Variants in PCDHA2 observed in about 807,000 individuals in gnomAD.
PCDHA2 encodes the protein protocadherin alpha-2.
PCDHA2 carries 58 observed loss-of-function variants against 66.0 expected under a neutral mutation model. That is an observed-to-expected ratio of 0.88 (90% CI 0.71 to 1.09). The LOEUF is 1.09. PCDHA2 is among the 50% of genes least tolerant of loss of function. The pLI is 0.00. For missense variants in PCDHA2, 1,267 were observed against 1,242.3 expected, an observed-to-expected ratio of 1.02 and a Z score of -0.30; for synonymous variants, 634 against 554.0, an observed-to-expected ratio of 1.14 and a Z score of -2.03.
chr5:140,865,419 T>A (rs1327080302), intron 1 of PCDHA2: 2 of 152,314 alleles, frequency 1.3e-5, no homozygotes, highest in African/African-American at 4.8e-5. Flanking sequence ...ATTAGTAGTG[T>A]CTACCTAGAA....
chr5:140,849,625 T>A, intron 1 of PCDHA2: 1 of 1,598,718 alleles, frequency 6.3e-7, no homozygotes, highest in Non-Finnish European at 8.6e-7. Flanking sequence ...GTGATCGACC[T>A]AGACGCAGAT....
intron 3 of PCDHA2, 57 bp downstream of exon 3, chr5:140,982,620 C>T: frequency 2.5e-6 from 4 of 1,588,470 alleles, no homozygotes. Flanking sequence ...ATCAGATGAC[C>T]TACTTTTGTA....
At chr5:140,886,905 A>G (rs2061220299) in intron 1 of PCDHA2, among the ~76,000 whole-genome samples, 2 of 152,010 alleles carry the variant, frequency 1.3e-5, no homozygotes, top group Admixed American at 1.3e-4. Flanking sequence ...TTTAATAAAT[A>G]CTTATTGAGT....
chr5:140,918,955 T>G lies in PCDHA2; in HGVS notation c.2389-59994T>G, dbSNP rs904506594. Among the ~76,000 whole-genome samples, 3 of 152,258 alleles carry G rather than the reference T, an allele frequency of 2.0e-5. 1 individual carries two copies. Among genetic ancestry groups the G allele is most frequent in the African/African-American group, 7.2e-5 (3 of 41,472 alleles). ...TTTTGTTATAATATCCTGAACAGAC[T>G]AAGACAGATATCGTTTAGGTTAGTT... On this transcript the variant is annotated intron_variant, in intron 1 of 3. Transcript: ENST00000526136.
chr5:140,866,472 CT>C (rs2049389020), intron 1 of PCDHA2: 2 of 152,112 alleles, frequency 1.3e-5, no homozygotes, highest in Non-Finnish European at 2.9e-5. Flanking sequence ...CTCATAACAA[CT>C]GACAAATGAT....
At chr5:140,968,211 A>G (rs1039283745) in intron 1 of PCDHA2, 1 of 1,614,002 alleles carries the variant, frequency 6.2e-7, no homozygotes. Context: ...CAGGAGAACA[A>G]TTTGCCAGGT....
intron 1 of PCDHA2, chr5:140,829,594 G>T (rs141465004): frequency 2.2e-5 from 35 of 1,611,982 alleles, no homozygotes; most frequent in Non-Finnish European, 3.0e-5. Context: ...GGGTGGGCGA[G>T]CGCGCGTTGT....
chr5:140,858,335 C>T, intron 1 of PCDHA2: 1 of 1,595,924 alleles, frequency 6.3e-7, no homozygotes, highest in Non-Finnish European at 8.6e-7. Flanking sequence ...GGAGGGCCTG[C>T]CCAAGGCGGA....
At chr5:140,820,343 A>C (rs1190251005) in intron 1 of PCDHA2, among the ~76,000 whole-genome samples, 1 of 152,020 alleles carries the variant, frequency 6.6e-6, no homozygotes, top group Non-Finnish European at 1.5e-5. Context: ...TCCAGAAATC[A>C]AGTGAATTTC....
intron 1 of PCDHA2, among the ~76,000 whole-genome samples, chr5:140,974,152 G>A (rs183558718): frequency 4.2e-4 from 64 of 152,284 alleles, no homozygotes; most frequent in Admixed American, 2.4e-3. Flanking sequence ...CTATACAAGG[G>A]TTTTTCTTTC....
chr5:140,851,380 C>G, intron 1 of PCDHA2: 1 of 976,622 alleles, frequency 1.0e-6, no homozygotes, highest in Non-Finnish European at 1.2e-6. Context: ...TGTTCAGCAA[C>G]CTTCAGTATC....
intron 1 of PCDHA2, chr5:140,863,034 A>T (rs782534693): frequency 1.8e-6 from 1 of 557,814 alleles, no homozygotes; most frequent in Non-Finnish European, 3.5e-6. Flanking sequence ...CAACAGCTGC[A>T]TCTGTCAGCT....
intron 1 of PCDHA2, among the ~76,000 whole-genome samples, chr5:140,820,123 T>C (rs2150105904): frequency 6.6e-6 from 1 of 152,128 alleles, no homozygotes; most frequent in East Asian, 1.9e-4. Context: ...TTTTAACCAT[T>C]GTGTATTAAA....
chr5:140,857,254 T>C (rs2044453142), intron 1 of PCDHA2: 2 of 1,598,512 alleles, frequency 1.3e-6, no homozygotes, highest in East Asian at 4.5e-5. Flanking sequence ...CCTACAAGAA[T>C]TACTACTCAT....
intron 1 of PCDHA2, among the ~76,000 whole-genome samples, chr5:140,953,061 G>A (rs919542084): frequency 2.0e-5 from 3 of 152,064 alleles, no homozygotes; most frequent in African/African-American, 7.2e-5. Flanking sequence ...CCTCTCACAG[G>A]CCCCATCTCC....
At chr5:140,966,568 G>A (rs2096022635) in intron 1 of PCDHA2, 1 of 499,094 alleles carries the variant, frequency 2.0e-6, no homozygotes, top group African/African-American at 2.0e-5. Flanking sequence ...CTGGAATATG[G>A]GGAGTCAGCG....
chr5:140,896,280 G>A (rs940722689), intron 1 of PCDHA2, among the ~76,000 whole-genome samples: 1 of 152,206 alleles, frequency 6.6e-6, no homozygotes, highest in South Asian at 2.1e-4. Flanking sequence ...TTGCTGGCTT[G>A]AATGGTAAGT....
Position 140,966,822 on chromosome 5 carries a change from C to A in PCDHA2, c.2389-12127C>A, listed in dbSNP as rs1329460642. 9 of 1,558,948 alleles carry A rather than the reference C, an allele frequency of 5.8e-6. No individual in the cohort carries two copies. In the Admixed American group the frequency reaches 7.5e-5, roughly 13 times the overall value. On this transcript the variant is annotated intron_variant, in intron 1 of 3. Transcript: ENST00000526136. ...ACAGAGCATCCACGGCTCCGGCGGC[C>A]CATGCCCTGGCTGCTGCTACTGCCT... is the stretch of plus-strand genomic sequence containing the variant.
chr5:140,907,164 G>T (rs1554192895), intron 1 of PCDHA2, among the ~76,000 whole-genome samples: 2 of 152,098 alleles, frequency 1.3e-5, no homozygotes, highest in Non-Finnish European at 2.9e-5. Context: ...ACCATATATT[G>T]GATGCTGATT....
Sources: allele counts gnomAD v4.1 joint callset (sites outside exome capture counted in the v4.1 genomes callset), GRCh38; gene constraint gnomAD v4.1.1; transcripts MANE v1.5; gene names NCBI Gene and HGNC (gene_info 2026-07-23, HGNC 2026-07-21).